The following TRIM44 variants were observed in gnomAD, a reference collection of about 807,000 sequenced individuals.
The protein encoded by TRIM44 is tripartite motif containing 44, also known as tripartite motif-containing protein 44.
Under a neutral mutation model 37.4 loss-of-function variants are expected in TRIM44, and 13 were observed. The ratio of observed to expected loss-of-function variants is 0.35; its 90% CI spans 0.23 to 0.55. The LOEUF is 0.55. TRIM44 is among the 20% of genes least tolerant of loss of function. The probability of loss-of-function intolerance (pLI) is 0.89; values close to 1 mark genes in which losing one functional copy is unlikely to be tolerated. For missense variants in TRIM44, 426 were observed against 437.2 expected (o/e 0.97, Z 0.23); for synonymous variants, 175 against 157.2 (o/e 1.11, Z -0.85).
intron 4 of TRIM44, among the ~76,000 whole-genome samples, chr11:35,795,642 A>G (rs1853273359): frequency 6.6e-6 from 1 of 152,192 alleles, no homozygotes; most frequent in South Asian, 2.1e-4. Context: ...GCCCATTGGA[A>G]TGACAGCATG....
chr11:35,689,513 A>C (rs1384087951), intron 2 of TRIM44, among the ~76,000 whole-genome samples: 1 of 152,206 alleles, frequency 6.6e-6, no homozygotes, highest in East Asian at 1.9e-4. Context: ...TTTAGTTTGC[A>C]AACTTTTTTT....
chr11:35,726,882 G>T (rs532434250), intron 3 of TRIM44, among the ~76,000 whole-genome samples: 1 of 151,892 alleles, frequency 6.6e-6, no homozygotes, highest in African/African-American at 2.4e-5. Flanking sequence ...AGTACAAGCT[G>T]GGCTCAGTGG....
At chr11:35,720,001 A>G (rs1049670568) in intron 2 of TRIM44, among the ~76,000 whole-genome samples, 2 of 152,116 alleles carry the variant, frequency 1.3e-5, no homozygotes, top group Non-Finnish European at 1.5e-5. Flanking sequence ...TTCTTCTTCA[A>G]TATTGGGTTG....
chr11:35,763,347 A>G (rs1852752890), intron 4 of TRIM44, among the ~76,000 whole-genome samples: 1 of 152,134 alleles, frequency 6.6e-6, no homozygotes, highest in African/African-American at 2.4e-5. Flanking sequence ...GCACAGTAGC[A>G]AAGGAGAGAA....
At chr11:35,747,160 A>G (rs772834629) in intron 4 of TRIM44, among the ~76,000 whole-genome samples, 46 of 152,206 alleles carry the variant, frequency 3.0e-4, no homozygotes, top group Admixed American at 1.3e-3. Flanking sequence ...TGTCTCTCAT[A>G]CAAAGACTAG....
chr11:35,726,932 G>A (rs1852182457), intron 3 of TRIM44, among the ~76,000 whole-genome samples: 1 of 151,962 alleles, frequency 6.6e-6, no homozygotes, highest in Non-Finnish European at 1.5e-5. Context: ...GGCTAGGGTG[G>A]AAGGATTGCT....
intron 2 of TRIM44, among the ~76,000 whole-genome samples, chr11:35,708,888 G>A (rs1015156998): frequency 1.3e-5 from 2 of 151,302 alleles, no homozygotes; most frequent in East Asian, 1.9e-4. Context: ...TTGTGCACAT[G>A]TACCCTAAAA....
At chr11:35,688,174 C>T (rs1332353037) in intron 2 of TRIM44, among the ~76,000 whole-genome samples, 1 of 152,132 alleles carries the variant, frequency 6.6e-6, no homozygotes, top group Non-Finnish European at 1.5e-5. Context: ...GGCTTTGTGA[C>T]CTGTCATTTC....
chr11:35,719,905 C>G (rs1274385265), intron 2 of TRIM44, among the ~76,000 whole-genome samples: 2 of 152,152 alleles, frequency 1.3e-5, no homozygotes, highest in South Asian at 2.1e-4. Flanking sequence ...ACTGATCTGT[C>G]TACTCTTTTG....
intron 4 of TRIM44, among the ~76,000 whole-genome samples, chr11:35,780,786 G>A: frequency 8.1e-6 from 1 of 122,908 alleles, no homozygotes; most frequent in African/African-American, 3.2e-5. Context: ...GTCTGAAAAG[G>A]AAACTTAAGG....
chr11:35,782,830 G>A lies in TRIM44; in HGVS notation c.1008-23528G>A, dbSNP rs555898412. 2.6e-5 allele frequency among the ~76,000 whole-genome samples: 4 copies of A among 152,306 alleles called. No homozygotes were observed. In the South Asian group the frequency reaches 8.3e-4, roughly 32 times the overall value. On this transcript the variant is annotated intron_variant, in intron 4 of 4. Transcript: ENST00000299413. ...TCCGGAGTAGAAGTTAGCAAGGAGAGTGAGTTGGGAATGCCTAAGTCAGCC... is the reference window on the plus strand; with the variant it reads ...TCCGGAGTAGAAGTTAGCAAGGAGAATGAGTTGGGAATGCCTAAGTCAGCC...
intron 4 of TRIM44, among the ~76,000 whole-genome samples, chr11:35,759,685 A>G (rs1231902375): frequency 1.3e-5 from 2 of 152,116 alleles, no homozygotes; most frequent in Non-Finnish European, 2.9e-5. Context: ...TTTGGTGTGG[A>G]TGTCCTTTCT....
In TRIM44 at chr11:35,741,993, C is replaced by T. The variant is rs192592208; in HGVS notation, c.1007+6548C>T. 1.7e-3 allele frequency among the ~76,000 whole-genome samples: 261 copies of T among 152,174 alleles called. 3 individuals are homozygous for T. The highest frequency in any genetic ancestry group is 2.9e-3 in the Non-Finnish European group (198 of 68,006). On this transcript the variant is annotated intron_variant, in intron 4 of 4. Transcript: ENST00000299413. ...TCACCTAGGCTAGAGTGTAATAGTA[C>T]AATCACAGCTCACCGCAGCCTCAAC...
At chr11:35,721,982 G>C (rs1852115062) in intron 2 of TRIM44, among the ~76,000 whole-genome samples, 1 of 152,178 alleles carries the variant, frequency 6.6e-6, no homozygotes. Flanking sequence ...GGAAGGAGCT[G>C]TCTTGGAGTA....
intron 4 of TRIM44, among the ~76,000 whole-genome samples, chr11:35,740,142 AT>A (rs57692958): frequency 0.081 from 10,319 of 126,646 alleles, 854 homozygotes; most frequent in African/African-American, 0.22. Context: ...GCCCAGAGTG[AT>A]TTTTTTTTTT....
At position 35,663,696 on chromosome 11, in the gene TRIM44, G is replaced by A; in HGVS notation, c.585G>A (p.Gln195=). ...DLSTYCQEDR[Q]LICVLCPVIG... ...GTACCTATTGCCAGGAAGATAGGCA[G>A]CTCATCTGTGTCCTGTGTCCAGTCA... The change falls in exon 1 of 5, where the codon CAG becomes CAA. Residue 195 remains glutamine (Q), a synonymous_variant. Coordinates refer to ENST00000299413, the MANE Select transcript of TRIM44 (RefSeq NM_017583.6). 1 of 1,614,168 alleles carries A rather than the reference G, an allele frequency of 6.2e-7. No individual in the cohort carries two copies. Among genetic ancestry groups the A allele is most frequent in the Non-Finnish European group, 8.5e-7 (1 of 1,180,038 alleles).
intron 1 of TRIM44, among the ~76,000 whole-genome samples, chr11:35,680,924 G>T (rs1307039598): frequency 6.6e-6 from 1 of 151,580 alleles, no homozygotes; most frequent in Non-Finnish European, 1.5e-5. Flanking sequence ...GGTCTCGTTT[G>T]TTCATTTTTT....
At chr11:35,751,590 T>C (rs1852559912) in intron 4 of TRIM44, among the ~76,000 whole-genome samples, 1 of 152,226 alleles carries the variant, frequency 6.6e-6, no homozygotes, top group South Asian at 2.1e-4. Flanking sequence ...CAAGTAATGA[T>C]AGTACGTAAG....
chr11:35,708,253 AAAC>A (rs1238719998), intron 2 of TRIM44, among the ~76,000 whole-genome samples: 1 of 152,284 alleles, frequency 6.6e-6, no homozygotes, highest in African/African-American at 2.4e-5. Flanking sequence ...AAAAGTCAGG[AAAC>A]AACAGGTGCT....
Sources: gnomAD v4.1 joint callset for allele counts (sites outside exome capture counted in the v4.1 genomes callset) on GRCh38, gnomAD v4.1.1 for gene constraint, MANE v1.5 for transcripts, NCBI Gene and HGNC (gene_info 2026-07-23, HGNC 2026-07-21) for gene names.